The following DNAJC13 variants were observed in gnomAD, a reference collection of about 807,000 sequenced individuals.
DNAJC13 encodes the protein DnaJ heat shock protein family (Hsp40) member C13, also known as dnaJ homolog subfamily C member 13.
A neutral mutation model predicts 290.5 loss-of-function variants in DNAJC13; 75 were observed. The observed-to-expected ratio is 0.26, with a 90% confidence interval of 0.21 to 0.31. The LOEUF (loss-of-function observed/expected upper bound fraction) is 0.31. DNAJC13 is among the 10% of genes least tolerant of loss of function. The pLI is 1.00. For synonymous variants in DNAJC13, 862 were observed against 892.0 expected (o/e 0.97, Z 0.60); for missense variants, 2,260 against 2,674.5 (o/e 0.85, Z 3.42).
In DNAJC13 at chr3:132,509,992, C is replaced by T. The variant is rs545060259; in HGVS notation, c.5116-1075C>T. Among the ~76,000 whole-genome samples, 147 of 152,182 alleles carry T rather than the reference C, an allele frequency of 9.7e-4. 1 individual carries two copies. Among genetic ancestry groups the T allele is most frequent in the Non-Finnish European group, 1.8e-3 (122 of 68,004 alleles). On this transcript the variant is annotated intron_variant, in intron 43 of 55. Transcript: ENST00000260818. The stretch of plus-strand genomic sequence containing the variant: ...TACCAAATGCTTGTGATGGGGTGAC[C>T]ACTGACAGCTTGTGAGCCTCTTTAT...
Position 132,462,538 on chromosome 3 carries a change from T to C in DNAJC13, c.1770+15T>C, listed in dbSNP as rs1457635016. 1 of 1,592,794 alleles carries C rather than the reference T, an allele frequency of 6.3e-7. No homozygotes were observed. Among genetic ancestry groups the C allele is most frequent in the Non-Finnish European group, 8.6e-7 (1 of 1,169,406 alleles). ...CAATAATAGAGGTGAGAGAACAATT[T>C]TGAAATTTTAACCTTACTTGAATGT... On this transcript the variant is annotated intron_variant, in intron 16 of 55. Coordinates refer to ENST00000260818, the MANE Select transcript of DNAJC13 (RefSeq NM_015268.4).
chr3:132,501,503 A>G (rs892928395), intron 39 of DNAJC13, among the ~76,000 whole-genome samples: 28 of 151,788 alleles, frequency 1.8e-4, no homozygotes, highest in African/African-American at 6.5e-4. Flanking sequence ...TGTGACTGAG[A>G]TATATGCTTC....
rs576885830 is a variant in DNAJC13 at position 132,525,477 on chromosome 3, T to G, written c.6061-133T>G. 11 of 818,148 alleles carry G rather than the reference T, an allele frequency of 1.3e-5. No individual in the cohort carries two copies. The African/African-American group carries it at 1.9e-4, about 14-fold the overall frequency. 50.7% of individuals were successfully genotyped at this position (818,148 alleles called of 1,614,324 possible). On this transcript the variant is annotated intron_variant, in intron 51 of 55. Transcript: ENST00000260818. ...GGGAAGTTCGTTGTTCTCTTAGGAT[T>G]AGTGAATCTGTTTTCAAGTATCAGC...
intron 42 of DNAJC13, among the ~76,000 whole-genome samples, chr3:132,506,043 A>ATATTTTTTTTT (rs1426895687): frequency 1.9e-5 from 1 of 53,184 alleles, no homozygotes; most frequent in African/African-American, 1.1e-4. Flanking sequence ...TCTGTACATT[A>ATATTTTTTTTT]TCTTTTTTTT....
At chr3:132,450,497 A>G in intron 5 of DNAJC13, 150 bp from the exon 6 acceptor site, 4 of 558,564 alleles carry the variant, frequency 7.2e-6, no homozygotes, top group Non-Finnish European at 1.2e-5. Context: ...GTTAAAATTA[A>G]TCATAGTTTT....
intron 2 of DNAJC13, among the ~76,000 whole-genome samples, chr3:132,437,646 T>C (rs993331025): frequency 6.6e-6 from 1 of 152,244 alleles, no homozygotes; most frequent in Non-Finnish European, 1.5e-5. Flanking sequence ...TTTCCTGGAC[T>C]CATAATTCTG....
At chr3:132,481,561 A>T (rs1934673250) in intron 26 of DNAJC13, among the ~76,000 whole-genome samples, 1 of 152,228 alleles carries the variant, frequency 6.6e-6, no homozygotes, top group Non-Finnish European at 1.5e-5. Context: ...AGGCTAGGTA[A>T]CAAAGTAAGA....
chr3:132,468,333 T>C (rs1263786383), intron 20 of DNAJC13, among the ~76,000 whole-genome samples: 2 of 152,204 alleles, frequency 1.3e-5, no homozygotes, highest in Admixed American at 6.5e-5. Flanking sequence ...AAAATAACTT[T>C]AATATCTTTC....
At chr3:132,483,345 CT>C in intron 27 of DNAJC13, 29 bp from the exon 28 acceptor site, 1 of 1,596,016 alleles carries the variant, frequency 6.3e-7, no homozygotes, top group South Asian at 1.1e-5. Flanking sequence ...TTTATTTTGT[CT>C]GTTTGTAATA....
chr3:132,466,406 T>G lies in DNAJC13; in HGVS notation c.2064+12T>G, dbSNP rs1246329823. The stretch of plus-strand genomic sequence containing the variant: ...TGAAAATAGCAATGGTAAATATGAC[T>G]GTCCCAAGTGTGCCTTTTTTAGGAG... On this transcript the variant is annotated intron_variant, in intron 19 of 55. Coordinates refer to ENST00000260818, the MANE Select transcript of DNAJC13 (RefSeq NM_015268.4). 6.4e-7 allele frequency: 1 copy of G among 1,562,824 alleles called. No individual in the cohort carries two copies.
chr3:132,473,107 C>T, intron 20 of DNAJC13, 38 bp from the exon 21 acceptor site: 1 of 1,392,426 alleles, frequency 7.2e-7, no homozygotes, highest in Non-Finnish European at 1.0e-6. Flanking sequence ...TATTTGGTAG[C>T]CCCAGATTGA....
intron 53 of DNAJC13, among the ~76,000 whole-genome samples, chr3:132,527,146 GATTT>G (rs1341525451): frequency 1.3e-5 from 2 of 152,188 alleles, no homozygotes; most frequent in Non-Finnish European, 2.9e-5. Flanking sequence ...TAATTAGCTT[GATTT>G]ATTCTGCATT....
At position 132,494,230 on chromosome 3, in the gene DNAJC13, A is replaced by G. The variant is rs1280065461; in HGVS notation, c.3912A>G (p.Glu1304=). The G allele has an allele frequency of 6.2e-7, 1 of 1,613,106 alleles. No individual in the cohort carries two copies. Among genetic ancestry groups the G allele is most frequent in the East Asian group, 2.2e-5 (1 of 44,834 alleles). Residue 1304 remains glutamate, a synonymous_variant, in exon 34 of 56, where the codon GAA becomes GAG. Coordinates refer to ENST00000260818, the MANE Select transcript of DNAJC13 (RefSeq NM_015268.4). ...PPMMSIDDAY[E]VLNLPQGQGP... ...TGATGTCAATAGATGATGCTTATGA[A>G]GTGCTTAATCTGCCTCAAGGACAGG...
At chr3:132,478,912 A>G (rs1934565297) in intron 24 of DNAJC13, among the ~76,000 whole-genome samples, 1 of 152,220 alleles carries the variant, frequency 6.6e-6, no homozygotes, top group African/African-American at 2.4e-5. Flanking sequence ...TACTTCAAGT[A>G]TCATTTGGAC....
chr3:132,446,920 A>G (rs1281305868), intron 3 of DNAJC13, among the ~76,000 whole-genome samples: 1 of 152,102 alleles, frequency 6.6e-6, no homozygotes, highest in Non-Finnish European at 1.5e-5. Context: ...TCGTCATGGG[A>G]GTAGGATTAT....
At chr3:132,472,310 T>G (rs1453834893) in intron 20 of DNAJC13, among the ~76,000 whole-genome samples, 1 of 152,182 alleles carries the variant, frequency 6.6e-6, no homozygotes, top group Non-Finnish European at 1.5e-5. Context: ...CTTGAAATCT[T>G]CTCTTCCAGT....
chr3:132,482,444 A>G (rs1214249326), intron 27 of DNAJC13, 114 bp downstream of exon 27: 1 of 705,540 alleles, frequency 1.4e-6, no homozygotes, highest in African/African-American at 1.8e-5. Flanking sequence ...TCCTGTTATT[A>G]GCTCCAAGGG....
At chr3:132,424,718 C>T (rs1939046111) in intron 1 of DNAJC13, among the ~76,000 whole-genome samples, 1 of 151,918 alleles carries the variant, frequency 6.6e-6, no homozygotes. Flanking sequence ...TTTTTTTATT[C>T]TTCAACGACA....
chr3:132,420,689 A>G (rs1201232444), intron 1 of DNAJC13, among the ~76,000 whole-genome samples: 1 of 152,216 alleles, frequency 6.6e-6, no homozygotes, highest in African/African-American at 2.4e-5. Context: ...ACCATCGCCC[A>G]CCAGAGAGAC....
Sources: allele counts gnomAD v4.1 joint callset (sites outside exome capture counted in the v4.1 genomes callset), GRCh38; gene constraint gnomAD v4.1.1; transcripts MANE v1.5; gene names NCBI Gene and HGNC (gene_info 2026-07-23, HGNC 2026-07-21).